Variants in RNF213 observed in about 807,000 individuals in gnomAD.
RNF213 encodes ring finger protein 213.
Under a neutral mutation model 514.4 loss-of-function variants are expected in RNF213, and 341 were observed. The observed-to-expected ratio is 0.66, with a 90% CI of 0.61 to 0.73. RNF213 has a LOEUF of 0.73. RNF213 is among the 30% of genes least tolerant of loss of function. The pLI, the probability that RNF213 is intolerant of heterozygous loss-of-function variation, is 0.00. For synonymous variants in RNF213, 2,655 were observed against 2,658.2 expected, an observed-to-expected ratio of 1.00 and a Z score of 0.04; for missense variants, 5,767 against 6,615.6, an observed-to-expected ratio of 0.87 and a Z score of 4.45.
At position 80,339,897 on chromosome 17, in the gene RNF213, G is replaced by T; in HGVS notation, c.5530G>T (p.Ala1844Ser). 8 of 1,536,874 alleles carry T rather than the reference G, an allele frequency of 5.2e-6. No homozygotes were observed. The highest frequency in any genetic ancestry group is 7.0e-6 in the Non-Finnish European group (8 of 1,146,860). ...TGGCCACTCCGAGGTGTTGCCAGCC[G>T]CCCTGGCTGTCTACATGCAAACCCC... The part of the protein sequence containing the change: ...VCGHSEVLPA[A>S]LAVYMQTPSQ... The change falls in exon 26 of 68, where the codon GCC becomes TCC. Residue 1844 changes from alanine to serine, a missense_variant. Coordinates refer to ENST00000582970, the MANE Select transcript of RNF213 (RefSeq NM_001256071.3).
intron 14 of RNF213, among the ~76,000 whole-genome samples, chr17:80,310,840 C>T (rs145951814): frequency 8.5e-4 from 129 of 152,372 alleles, no homozygotes; most frequent in African/African-American, 3.0e-3. Flanking sequence ...GCATGAGCTA[C>T]TGCACCCGGC....
rs1339883513 is a variant in RNF213, at chr17:80,339,930, C to T, written c.5563C>T (p.Pro1855Ser). 6.5e-7 allele frequency: 1 copy of T among 1,536,884 alleles called. No individual in the cohort carries two copies. The highest frequency in any genetic ancestry group is 1.4e-5 in the African/African-American group (1 of 73,032). The part of the protein sequence containing the change: ...LAVYMQTPSQ[P>S]LPTYDEVLLC... Reference sequence around the variant, plus strand: ...TGTCTACATGCAAACCCCAAGCCAGCCCCTGCCCACTTACGATGAGGTGCT... The same window carrying T: ...TGTCTACATGCAAACCCCAAGCCAGTCCCTGCCCACTTACGATGAGGTGCT... Residue 1855 changes from proline (P) to serine (S), a missense_variant, in exon 26 of 68, where the codon CCC becomes TCC. Transcript: ENST00000582970.
intron 67 of RNF213, among the ~76,000 whole-genome samples, chr17:80,390,900 A>G (rs2080441768): frequency 6.6e-6 from 1 of 151,986 alleles, no homozygotes; most frequent in Admixed American, 6.5e-5. Context: ...TGTTTCTACT[A>G]AAAATACAAA....
chr17:80,334,255 C>G lies in RNF213; in HGVS notation c.4294C>G (p.Arg1432Gly). ...GAGAAAGGAGTTCATCTGCTGGGTC[C>G]GGGAGGCTCTTGGAGGTAAAATCAG... The part of the protein sequence containing the change: ...SLRKEFICWV[R>G]EALGGINELK... The change falls in exon 22 of 68, where the codon CGG becomes GGG. Residue 1432 changes from arginine (R) to glycine (G), a missense_variant. Physicochemically the swap from Arg to Gly is moderately radical, Grantham distance 125 (BLOSUM62 -2). Transcript: ENST00000582970. 1 of 1,535,056 alleles carries G rather than the reference C, an allele frequency of 6.5e-7. No homozygotes were observed. Among genetic ancestry groups the G allele is most frequent in the Middle Eastern group, 1.7e-4 (1 of 5,928 alleles).
At chr17:80,389,065 G>A in intron 64 of RNF213, 108 bp from the exon 65 acceptor site, 1 of 1,056,264 alleles carries the variant, frequency 9.5e-7, no homozygotes, top group Non-Finnish European at 1.4e-6. Flanking sequence ...TAGAGAGTTG[G>A]CCCCCCGCAT....
At chr17:80,367,906 ACTT>A (rs2079344813) in intron 43 of RNF213, 52 bp from the exon 44 acceptor site, 9 of 1,613,894 alleles carry the variant, frequency 5.6e-6, no homozygotes, top group African/African-American at 1.3e-5. Flanking sequence ...CGTGGTTTTC[ACTT>A]CTTCTGGCCA....
At chr17:80,279,181 C>G (rs2044170571) in intron 3 of RNF213, among the ~76,000 whole-genome samples, 1 of 152,204 alleles carries the variant, frequency 6.6e-6, no homozygotes, top group African/African-American at 2.4e-5. Flanking sequence ...TGCCTTTTTA[C>G]TCCGTGCAGC....
rs1041583060 is a variant in RNF213, at chr17:80,398,531, T to C, written c.*5033T>C. 2.0e-5 allele frequency: 3 copies of C among 152,124 alleles called. No homozygotes were observed. The highest frequency in any genetic ancestry group is 2.9e-5 in the Non-Finnish European group (2 of 68,044). The allele number at this position is 152,124 out of a possible 1,614,324, so 9.4% of individuals were successfully genotyped here. On this transcript the variant is annotated 3_prime_UTR_variant, in exon 68 of 68. Transcript: ENST00000582970. ...CTTGTTTCAAAGGTATGGCACAAGG[T>C]AACCTGTAAGCCAGGGTACCCACAC...
chr17:80,378,093 C>T (rs2079835091), intron 54 of RNF213, among the ~76,000 whole-genome samples: 1 of 152,236 alleles, frequency 6.6e-6, no homozygotes, highest in Non-Finnish European at 1.5e-5. Flanking sequence ...GCACCCACTC[C>T]TCCCAGTGTG....
chr17:80,287,585 C>G (rs193072671), intron 3 of RNF213, among the ~76,000 whole-genome samples: 3 of 152,210 alleles, frequency 2.0e-5, no homozygotes, highest in African/African-American at 7.2e-5. Context: ...CGGCCGTGAC[C>G]GTGCCGAGTG....
chr17:80,261,277 G>T lies in RNF213; in HGVS notation c.-109+375G>T, dbSNP rs185565103. Among the ~76,000 whole-genome samples, 955 of 152,318 alleles carry T rather than the reference G, an allele frequency of 6.3e-3. 3 individuals are homozygous for T. Among genetic ancestry groups the T allele is most frequent in the Non-Finnish European group, 9.9e-3 (673 of 68,008 alleles). The stretch of plus-strand genomic sequence containing the variant: ...GGGACAGCCGGACCCGGGCCTGCAG[G>T]TCCGCCCGGGAATCCTGCGCCTGTA... On this transcript the variant is annotated intron_variant, in intron 1 of 67. Transcript: ENST00000582970.
At chr17:80,344,482 C>T (rs2078247959) in intron 28 of RNF213, among the ~76,000 whole-genome samples, 196 bp from the exon 29 acceptor site, 1 of 152,108 alleles carries the variant, frequency 6.6e-6, no homozygotes, top group Non-Finnish European at 1.5e-5. Flanking sequence ...TGGCTCAGAA[C>T]GCAGCTCCCA....
At chr17:80,274,471 G>A (rs186643724) in intron 3 of RNF213, among the ~76,000 whole-genome samples, 13 of 146,596 alleles carry the variant, frequency 8.9e-5, no homozygotes, top group Admixed American at 3.5e-4. Flanking sequence ...ACGGAGAAGG[G>A]GAAGCTGTCT....
chr17:80,356,450 C>T (rs779209668), intron 36 of RNF213, among the ~76,000 whole-genome samples: 3 of 152,252 alleles, frequency 2.0e-5, no homozygotes, highest in Admixed American at 6.5e-5. Flanking sequence ...CCTGCGCAGC[C>T]GCTGAGTGGT....
Position 80,353,353 on chromosome 17 carries a change from C to T in RNF213, c.10424-159C>T. 1 of 914,572 alleles carries T rather than the reference C, an allele frequency of 1.1e-6. No homozygotes were observed. Among genetic ancestry groups the T allele is most frequent in the Non-Finnish European group, 1.7e-6 (1 of 583,222 alleles). The allele number at this position is 914,572 out of a possible 1,614,324, so 56.7% of individuals were successfully genotyped here. On this transcript the variant is annotated intron_variant, in intron 33 of 67. Coordinates refer to ENST00000582970, the MANE Select transcript of RNF213 (RefSeq NM_001256071.3). The surrounding 1 kb of genome is among the most constrained non-coding windows in gnomAD (Gnocchi z 5.0). ...GGAAGGGGCTGCCTTGGGGGCTGAT[C>T]TTCATGACCGTGATCTCTCATCTGG... is the stretch of plus-strand genomic sequence containing the variant.
intron 44 of RNF213, among the ~76,000 whole-genome samples, chr17:80,368,467 C>G (rs1364961621): frequency 1.4e-5 from 2 of 145,188 alleles, no homozygotes; most frequent in African/African-American, 5.1e-5. Flanking sequence ...GTGTTTCACT[C>G]TGTTGCCCAG....
chr17:80,393,302 G>A (rs1157036021), intron 67 of RNF213, 43 bp from the exon 68 acceptor site: 1 of 1,600,290 alleles, frequency 6.2e-7, no homozygotes, highest in Non-Finnish European at 8.5e-7. Context: ...GAGCCACCAT[G>A]CTGAGGAGAC....
In RNF213 at chr17:80,339,693, G is replaced by A. The variant is rs1399546775; in HGVS notation, c.5326G>A (p.Asp1776Asn). The change falls in exon 26 of 68, where the codon GAC becomes AAC. Residue 1776 changes from aspartate (D) to asparagine (N), a missense_variant. Coordinates refer to ENST00000582970, the MANE Select transcript of RNF213 (RefSeq NM_001256071.3). ...GCTCTTATCAGAGTTCAGCCTGGTGGACAAGCTGAGGATCATCATGGAGCA... is the reference window on the plus strand; with the variant it reads ...GCTCTTATCAGAGTTCAGCCTGGTGAACAAGCTGAGGATCATCATGGAGCA... ...LMLLSEFSLV[D>N]KLRIIMEQSM... 42 of 1,537,224 alleles carry A rather than the reference G, an allele frequency of 2.7e-5. No homozygotes were observed. The highest frequency in any genetic ancestry group is 3.6e-5 in the Non-Finnish European group (41 of 1,146,886).
chr17:80,332,291 T>C lies in RNF213; in HGVS notation c.3803T>C (p.Ile1268Thr). 6.5e-7 allele frequency: 1 copy of C among 1,537,188 alleles called. No homozygotes were observed. Among genetic ancestry groups the C allele is most frequent in the Non-Finnish European group, 8.7e-7 (1 of 1,146,904 alleles). Residue 1268 changes from isoleucine (I) to threonine (T), a missense_variant, in exon 21 of 68, where the codon ATC becomes ACC. By Grantham distance (89) the Ile-to-Thr change is moderately conservative. This residue lies in a region of RNF213 where 516 missense variants were observed against 566.5 expected (regional missense o/e 0.91). Transcript: ENST00000582970. ...SEPEEESERHILELEEVYDYL... is the reference protein window; with the variant it reads ...SEPEEESERHTLELEEVYDYL... ...CCCGAAGAAGAATCAGAAAGGCACA[T>C]CCTTGAGCTTGAAGAGGTGTATGAC...
Sources: gnomAD v4.1 joint callset for allele counts (sites outside exome capture counted in the v4.1 genomes callset) on GRCh38, gnomAD v4.1.1 for gene constraint, gnomAD v4.1.1 regional missense constraint, Gnocchi (gnomAD v3.1) non-coding constraint, MANE v1.5 for transcripts, NCBI Gene and HGNC (gene_info 2026-07-23, HGNC 2026-07-21) for gene names.